The following ITPR2 variants were observed in gnomAD, a reference collection of about 807,000 sequenced individuals.
The protein encoded by ITPR2 is inositol 1,4,5-trisphosphate receptor type 2, also known as inositol 1,4,5-trisphosphate-gated calcium channel ITPR2.
A neutral mutation model predicts 317.1 loss-of-function variants in ITPR2; 207 were observed. That is an observed-to-expected ratio of 0.65 (90% CI 0.58 to 0.73). The LOEUF is 0.73. ITPR2 is among the 30% of genes least tolerant of loss of function. The probability of loss-of-function intolerance (pLI) is 0.00; values close to 1 mark genes in which losing one functional copy is unlikely to be tolerated. For synonymous variants in ITPR2, 1,156 were observed against 1,149.1 expected, an observed-to-expected ratio of 1.01 and a Z score of -0.12; for missense variants, 2,613 against 3,284.0, an observed-to-expected ratio of 0.80 and a Z score of 4.99.
At chr12:26,677,474 C>G (rs1592028149) in intron 13 of ITPR2, among the ~76,000 whole-genome samples, 1 of 151,968 alleles carries the variant, frequency 6.6e-6, no homozygotes, top group East Asian at 1.9e-4. Flanking sequence ...GTGGCACGTG[C>G]CTGTGTTCCC....
chr12:26,612,748 A>T (rs17476919), intron 26 of ITPR2, among the ~76,000 whole-genome samples: 1 of 152,290 alleles, frequency 6.6e-6, no homozygotes, highest in East Asian at 1.9e-4. Flanking sequence ...CTTCTGAAGC[A>T]TTCCGGATTC....
intron 48 of ITPR2, 106 bp from the exon 49 acceptor site, chr12:26,428,194 C>A: frequency 2.6e-6 from 2 of 756,336 alleles, no homozygotes; most frequent in Non-Finnish European, 3.9e-6. Context: ...AGCCATAATC[C>A]AGTAAATTTC....
At chr12:26,616,707 G>A (rs924083719) in intron 26 of ITPR2, among the ~76,000 whole-genome samples, 1 of 152,038 alleles carries the variant, frequency 6.6e-6, no homozygotes, top group Non-Finnish European at 1.5e-5. Flanking sequence ...ATATTTAAGA[G>A]ATGAGTAAAA....
chr12:26,411,836 T>C (rs995297035), intron 51 of ITPR2, among the ~76,000 whole-genome samples: 6 of 152,068 alleles, frequency 3.9e-5, no homozygotes, highest in Non-Finnish European at 8.8e-5. Context: ...CTGGTAGTGG[T>C]TCTAACAGTC....
At chr12:26,828,969 T>A (rs1344948687) in intron 1 of ITPR2, among the ~76,000 whole-genome samples, 1 of 152,186 alleles carries the variant, frequency 6.6e-6, no homozygotes. Context: ...GAAAATAAAT[T>A]CACTTCTTTC....
At chr12:26,467,788 CCCATTAACCATCAA>C (rs1188846114) in intron 45 of ITPR2, among the ~76,000 whole-genome samples, 60 of 152,214 alleles carry the variant, frequency 3.9e-4, no homozygotes, top group Middle Eastern at 3.4e-3. Context: ...TTTTATTGTA[CCCATTAACCATCAA>C]TTTGAGAGGT....
chr12:26,477,030 T>A, intron 43 of ITPR2, 23 bp from the exon 44 acceptor site: 1 of 1,449,180 alleles, frequency 6.9e-7, no homozygotes, highest in Admixed American at 1.7e-5. Context: ...ATTGAGTTAA[T>A]GTGCATGCAA....
At position 26,654,017 on chromosome 12, in the gene ITPR2, A is replaced by G. The variant is rs1016165148; in HGVS notation, c.2699T>C (p.Met900Thr). 1.2e-6 allele frequency: 2 copies of G among 1,609,472 alleles called. No individual in the cohort carries two copies. Among genetic ancestry groups the G allele is most frequent in the African/African-American group, 1.3e-5 (1 of 74,710 alleles). The change falls in exon 21 of 57, where the codon ATG (methionine) becomes ACG (threonine). Residue 900 changes from methionine (M) to threonine (T), a missense_variant. By Grantham distance (81) the Met-to-Thr change is moderately conservative (BLOSUM62 -1). Coordinates refer to ENST00000381340, the MANE Select transcript of ITPR2 (RefSeq NM_002223.4). ...GCTTAATCTTTCAAAGTATGATGAC[A>G]TGGGGGCCTGTACAATGTCTAAAAT... is the stretch of plus-strand genomic sequence containing the variant. Reference protein sequence around the residue: ...LAILDIVQAPMSSYFERLSKF... With the variant: ...LAILDIVQAPTSSYFERLSKF...
intron 2 of ITPR2, chr12:26,725,981 T>TA: frequency 2.4e-6 from 1 of 417,784 alleles, no homozygotes; most frequent in Non-Finnish European, 4.3e-6. Flanking sequence ...TTCATTAATT[T>TA]AAGTTTTTTA....
At chr12:26,711,850 G>A (rs949415741) in intron 8 of ITPR2, among the ~76,000 whole-genome samples, 1 of 152,222 alleles carries the variant, frequency 6.6e-6, no homozygotes, top group African/African-American at 2.4e-5. Context: ...GAGAAAGACA[G>A]CCACGTAGAT....
chr12:26,387,350 T>C (rs971197362), intron 55 of ITPR2, 84 bp downstream of exon 55: 3 of 1,264,836 alleles, frequency 2.4e-6, no homozygotes, highest in African/African-American at 3.0e-5. Context: ...ACAATCTTCA[T>C]ATTTTGGGAG....
chr12:26,676,626 G>A (rs993630406), intron 13 of ITPR2, among the ~76,000 whole-genome samples: 2 of 151,660 alleles, frequency 1.3e-5, no homozygotes, highest in Non-Finnish European at 2.9e-5. Flanking sequence ...TGAGATACAA[G>A]TAATAAAGGC....
chr12:26,702,878 C>T (rs1275530027), intron 9 of ITPR2, among the ~76,000 whole-genome samples: 2 of 150,600 alleles, frequency 1.3e-5, no homozygotes. Flanking sequence ...TATCCTAGTT[C>T]CTAGGTGTTT....
At chr12:26,417,365 T>G (rs990334981) in intron 50 of ITPR2, among the ~76,000 whole-genome samples, 4 of 152,166 alleles carry the variant, frequency 2.6e-5, no homozygotes, top group African/African-American at 9.7e-5. Context: ...ATGTTTTTCA[T>G]ATTATCTGAT....
chr12:26,580,885 G>C (rs1294343220), intron 32 of ITPR2, among the ~76,000 whole-genome samples: 1 of 152,070 alleles, frequency 6.6e-6, no homozygotes, highest in African/African-American at 2.4e-5. Flanking sequence ...ATGTCAGCAT[G>C]AACAAATTGC....
At chr12:26,780,198 T>C (rs1229002957) in intron 2 of ITPR2, among the ~76,000 whole-genome samples, 6 of 152,164 alleles carry the variant, frequency 3.9e-5, no homozygotes, top group African/African-American at 7.2e-5. Context: ...GTGCCCAACT[T>C]GACAGCAGCA....
At chr12:26,576,515 A>G (rs976286762) in intron 34 of ITPR2, among the ~76,000 whole-genome samples, 15 of 152,208 alleles carry the variant, frequency 9.9e-5, no homozygotes, top group Non-Finnish European at 2.2e-4. Context: ...AGCGCAGCGC[A>G]GTAAGTGTCC....
intron 37 of ITPR2, among the ~76,000 whole-genome samples, chr12:26,527,469 C>T (rs936543398): frequency 6.6e-6 from 1 of 152,208 alleles, no homozygotes; most frequent in Non-Finnish European, 1.5e-5. Flanking sequence ...TTTGGGGAAT[C>T]CCTTTCAGTT....
intron 2 of ITPR2, among the ~76,000 whole-genome samples, chr12:26,782,073 G>GCGAT: frequency 7.5e-6 from 1 of 132,562 alleles, no homozygotes; most frequent in African/African-American, 3.0e-5. Flanking sequence ...GAGAGAGAGA[G>GCGAT]CGAGAGAGAT....
Sources: gnomAD v4.1 joint callset for allele counts (sites outside exome capture counted in the v4.1 genomes callset) on GRCh38, gnomAD v4.1.1 for gene constraint, MANE v1.5 for transcripts, NCBI Gene and HGNC (gene_info 2026-07-23, HGNC 2026-07-21) for gene names.